The following KCNAB1 variants were observed in gnomAD, a reference collection of about 807,000 sequenced individuals.
KCNAB1 encodes the protein potassium voltage-gated channel subfamily A regulatory beta subunit 1, also known as voltage-gated potassium channel subunit beta-1.
KCNAB1 carries 35 observed loss-of-function variants against 64.6 expected under a neutral mutation model. The ratio of observed to expected loss-of-function variants is 0.54; its 90% confidence interval spans 0.41 to 0.72. KCNAB1 has a LOEUF of 0.72. Among genes scored for constraint, KCNAB1 ranks in the 30% least tolerant of loss-of-function variants. KCNAB1 has a pLI of 0.00. For synonymous variants in KCNAB1, 177 were observed against 183.8 expected (o/e 0.96, Z 0.30); for missense variants, 401 against 512.9 (o/e 0.78, Z 2.11).
At chr3:156,381,177 G>A (rs1173395944) in intron 1 of KCNAB1, among the ~76,000 whole-genome samples, 1 of 152,114 alleles carries the variant, frequency 6.6e-6, no homozygotes, top group Non-Finnish European at 1.5e-5. Flanking sequence ...GACCACAGAT[G>A]AAGGAGTATG....
chr3:156,313,864 C>G (rs1249394316), intron 1 of KCNAB1, among the ~76,000 whole-genome samples: 7 of 152,224 alleles, frequency 4.6e-5, no homozygotes, highest in Non-Finnish European at 1.0e-4. Flanking sequence ...AAAATATTGT[C>G]AGTGTTTGAG....
At chr3:156,352,674 C>T (rs921107246) in intron 1 of KCNAB1, among the ~76,000 whole-genome samples, 5 of 152,168 alleles carry the variant, frequency 3.3e-5, no homozygotes, top group African/African-American at 1.2e-4. Context: ...TCAGGTCTGT[C>T]CTTGGCGTCA....
At chr3:156,136,926 G>A (rs1401619306) in intron 1 of KCNAB1, among the ~76,000 whole-genome samples, 1 of 152,212 alleles carries the variant, frequency 6.6e-6, no homozygotes, top group Non-Finnish European at 1.5e-5. Flanking sequence ...ATGCAGAATA[G>A]CAGTTAAATC....
chr3:156,437,700 G>A (rs554850735), intron 2 of KCNAB1, among the ~76,000 whole-genome samples: 9 of 152,284 alleles, frequency 5.9e-5, no homozygotes, highest in African/African-American at 2.2e-4. Context: ...TTTGCAGAAG[G>A]TTAGTAGTAC....
At chr3:156,282,484 G>C (rs1719787249) in intron 1 of KCNAB1, among the ~76,000 whole-genome samples, 1 of 151,390 alleles carries the variant, frequency 6.6e-6, no homozygotes, top group Non-Finnish European at 1.5e-5. Flanking sequence ...TGTTAGGTCT[G>C]CTTGGTACAG....
intron 1 of KCNAB1, among the ~76,000 whole-genome samples, chr3:156,419,267 C>T (rs1263927640): frequency 6.6e-6 from 1 of 152,046 alleles, no homozygotes; most frequent in Non-Finnish European, 1.5e-5. Context: ...CTTTGGGAGG[C>T]CGAGGCAGGT....
chr3:156,435,449 C>T (rs1716524442), intron 2 of KCNAB1, among the ~76,000 whole-genome samples: 1 of 152,148 alleles, frequency 6.6e-6, no homozygotes, highest in Non-Finnish European at 1.5e-5. Flanking sequence ...TTAATTTCCC[C>T]AGCACAGCTC....
chr3:156,336,128 G>A (rs903981505), intron 1 of KCNAB1, among the ~76,000 whole-genome samples: 5 of 152,178 alleles, frequency 3.3e-5, no homozygotes, highest in Non-Finnish European at 7.3e-5. Flanking sequence ...GGAGGGCTGA[G>A]GTGGGCGGAT....
chr3:156,486,893 A>G (rs1474845905), intron 8 of KCNAB1, among the ~76,000 whole-genome samples: 1 of 152,144 alleles, frequency 6.6e-6, no homozygotes, highest in Non-Finnish European at 1.5e-5. Flanking sequence ...AGGTCTCTGT[A>G]TTACCATAGA....
At chr3:156,354,919 T>C (rs1725134669) in intron 1 of KCNAB1, among the ~76,000 whole-genome samples, 1 of 152,226 alleles carries the variant, frequency 6.6e-6, no homozygotes, top group South Asian at 2.1e-4. Context: ...TACTAGTTCA[T>C]ACTCAGTACC....
At chr3:156,194,991 T>A (rs905274897) in intron 1 of KCNAB1, among the ~76,000 whole-genome samples, 1 of 152,104 alleles carries the variant, frequency 6.6e-6, no homozygotes, top group Non-Finnish European at 1.5e-5. Context: ...TGTGTCCATG[T>A]GTTCTTATTG....
At position 156,503,336 on chromosome 3, in the gene KCNAB1, G is replaced by A. The variant is rs184495454; in HGVS notation, c.659-11028G>A. ...GATAAAAGAATTACAGGGAAATAAT[G>A]AGGATAGAGTAGAAAGCTCTCTTAT... On this transcript the variant is annotated intron_variant, in intron 8 of 13. Coordinates refer to ENST00000490337, the MANE Select transcript of KCNAB1 (RefSeq NM_172160.3). Among the ~76,000 whole-genome samples, 373 of 152,354 alleles carry A rather than the reference G, an allele frequency of 2.4e-3. 4 individuals carry two copies. The highest frequency in any genetic ancestry group is 8.7e-3 in the African/African-American group (363 of 41,578).
In KCNAB1 at chr3:156,398,617, A is replaced by G. The variant is rs577740083; in HGVS notation, c.276-22999A>G. ...AAAAAAAAAAAAAAAAACCTAGATG[A>G]TAGGGTTGATAGGTGCAGCAAACCA... On this transcript the variant is annotated intron_variant, in intron 1 of 13. Transcript: ENST00000490337. Among the ~76,000 whole-genome samples, 416 of 150,938 alleles carry G rather than the reference A, an allele frequency of 2.8e-3. 3 individuals carry two copies. Among genetic ancestry groups the G allele is most frequent in the African/African-American group, 9.0e-3 (369 of 41,042 alleles).
At chr3:156,516,205 C>T in intron 10 of KCNAB1, 65 bp from the exon 11 acceptor site, 1 of 1,117,660 alleles carries the variant, frequency 8.9e-7, no homozygotes, top group Non-Finnish European at 1.4e-6. Context: ...CACTACTGCC[C>T]CCACCGCCAC....
chr3:156,319,854 C>T (rs1254415864), intron 1 of KCNAB1, among the ~76,000 whole-genome samples: 4 of 152,136 alleles, frequency 2.6e-5, no homozygotes, highest in Admixed American at 2.6e-4. Context: ...TGGAAGGAAA[C>T]AAAAACTTAG....
intron 1 of KCNAB1, among the ~76,000 whole-genome samples, chr3:156,257,444 A>T (rs1576651556): frequency 1.3e-5 from 2 of 152,186 alleles, no homozygotes; most frequent in African/African-American, 4.8e-5. Flanking sequence ...GAACCTGAAA[A>T]TGGGAAAGAA....
intron 1 of KCNAB1, among the ~76,000 whole-genome samples, chr3:156,129,151 G>A (rs1439847110): frequency 6.6e-6 from 1 of 152,058 alleles, no homozygotes; most frequent in Non-Finnish European, 1.5e-5. Context: ...TTTGTCAGTC[G>A]TTGATTTTTT....
In KCNAB1 at chr3:156,508,475, C is replaced by A. The variant is rs1716962078; in HGVS notation, c.659-5889C>A. The stretch of plus-strand genomic sequence containing the variant: ...TTTAGAAAATTAAAATATTGATCAA[C>A]CAAAATTGTTTTCACTCAGAACAAA... On this transcript the variant is annotated intron_variant, in intron 8 of 13. Transcript: ENST00000490337. This position sits in a 1 kb window ranked among gnomAD's most constrained non-coding sequence, Gnocchi z 4.1. 6.6e-6 allele frequency among the ~76,000 whole-genome samples: 1 copy of A among 152,124 alleles called. No homozygotes were observed. Among genetic ancestry groups the A allele is most frequent in the South Asian group, 2.1e-4 (1 of 4,824 alleles).
chr3:156,190,478 A>G (rs2108360255), intron 1 of KCNAB1, among the ~76,000 whole-genome samples: 1 of 152,340 alleles, frequency 6.6e-6, no homozygotes, highest in Admixed American at 6.5e-5. Context: ...TCAGTCACTT[A>G]TAAAGTACAA....
Sources: gnomAD v4.1 joint callset for allele counts (sites outside exome capture counted in the v4.1 genomes callset) on GRCh38, gnomAD v4.1.1 for gene constraint, Gnocchi (gnomAD v3.1) non-coding constraint, MANE v1.5 for transcripts, NCBI Gene and HGNC (gene_info 2026-07-23, HGNC 2026-07-21) for gene names.